MYO5B: variants seen among roughly 807,000 people sequenced by gnomAD.
The protein encoded by MYO5B is unconventional myosin-Vb.
MYO5B carries 143 observed loss-of-function variants against 229.3 expected under a neutral mutation model. That is an observed-to-expected ratio of 0.62 (90% CI 0.54 to 0.72). The LOEUF is 0.72. Ranked by LOEUF, MYO5B falls within the 30% of genes least tolerant of loss-of-function variation. MYO5B has a pLI of 0.00. For synonymous variants in MYO5B, 918 were observed against 885.2 expected (o/e 1.04, Z -0.66); for missense variants, 2,321 against 2,331.0 (o/e 1.00, Z 0.09).
intron 14 of MYO5B, among the ~76,000 whole-genome samples, chr18:49,942,229 A>G (rs548609921): frequency 1.9e-3 from 286 of 151,466 alleles, no homozygotes; most frequent in African/African-American, 6.7e-3. Context: ...AAAACCATAA[A>G]AACCCTAGAA....
intron 1 of MYO5B, among the ~76,000 whole-genome samples, chr18:50,072,598 A>G (rs978726978): frequency 1.3e-5 from 2 of 152,194 alleles, no homozygotes; most frequent in Admixed American, 6.5e-5. Flanking sequence ...TTCCAATCAG[A>G]TACTCAACAC....
At chr18:50,093,627 T>C (rs1401928951) in intron 1 of MYO5B, among the ~76,000 whole-genome samples, 4 of 152,076 alleles carry the variant, frequency 2.6e-5, no homozygotes, top group South Asian at 2.1e-4. Context: ...CAGCACCAGA[T>C]ACAGGTCACA....
intron 1 of MYO5B, among the ~76,000 whole-genome samples, chr18:50,088,948 G>A (rs1322036590): frequency 6.6e-6 from 1 of 152,158 alleles, no homozygotes; most frequent in African/African-American, 2.4e-5. Flanking sequence ...TCCTAGACTT[G>A]TGAATATCAT....
At chr18:49,874,756 A>T (rs892566005) in intron 26 of MYO5B, among the ~76,000 whole-genome samples, 4 of 152,196 alleles carry the variant, frequency 2.6e-5, no homozygotes, top group African/African-American at 9.7e-5. Context: ...CAAACCCACT[A>T]TGAGTTCAGC....
At chr18:49,979,997 C>T (rs144718746) in intron 9 of MYO5B, among the ~76,000 whole-genome samples, 3 of 152,204 alleles carry the variant, frequency 2.0e-5, no homozygotes, top group African/African-American at 7.2e-5. Context: ...TAACAGCCTG[C>T]CTTGTGCTGT....
chr18:50,066,880 T>C (rs989201528), intron 1 of MYO5B, among the ~76,000 whole-genome samples: 11 of 152,304 alleles, frequency 7.2e-5, no homozygotes, highest in African/African-American at 2.6e-4. Context: ...TCAAACAAAT[T>C]GAGCTGTCAG....
In MYO5B at chr18:49,974,416, T is replaced by C; in HGVS notation, c.1256A>G (p.His419Arg). ...GGAGGTGTGCAGGGCCTTGTTGATG[T>C]GCTCCACAATCCAGCCGAACAACTG... The part of the protein sequence containing the change: ...YAQLFGWIVE[H>R]INKALHTSLK... Residue 419 changes from histidine to arginine, a missense_variant, in exon 10 of 40, where the codon CAC (histidine) becomes CGC (arginine). Physicochemically the swap from His to Arg is conservative, Grantham distance 29. Coordinates refer to ENST00000285039, the MANE Select transcript of MYO5B (RefSeq NM_001080467.3). 1 of 1,614,170 alleles carries C rather than the reference T, an allele frequency of 6.2e-7. No individual in the cohort carries two copies. The highest frequency in any genetic ancestry group is 8.5e-7 in the Non-Finnish European group (1 of 1,180,016).
At chr18:49,939,059 G>A (rs2025282881) in intron 14 of MYO5B, among the ~76,000 whole-genome samples, 1 of 151,848 alleles carries the variant, frequency 6.6e-6, no homozygotes, top group African/African-American at 2.4e-5. Context: ...TAAGCATGTA[G>A]AAAAGTGTCC....
At chr18:49,835,318 T>C (rs746005816) in intron 39 of MYO5B, 26 bp downstream of exon 39, 4 of 1,552,582 alleles carry the variant, frequency 2.6e-6, no homozygotes, top group South Asian at 1.1e-5. Context: ...GACTGGACTT[T>C]ATAAAATTAC....
chr18:50,112,846 C>T (rs2031891057), intron 1 of MYO5B, among the ~76,000 whole-genome samples: 1 of 152,150 alleles, frequency 6.6e-6, no homozygotes, highest in African/African-American at 2.4e-5. Flanking sequence ...TTCTATTATA[C>T]TTTCAACACA....
At chr18:49,915,403 C>T (rs1025671579) in intron 17 of MYO5B, among the ~76,000 whole-genome samples, 7 of 152,308 alleles carry the variant, frequency 4.6e-5, no homozygotes, top group Non-Finnish European at 7.3e-5. Flanking sequence ...GAACAAGAGC[C>T]CGTATTCAGC....
intron 26 of MYO5B, among the ~76,000 whole-genome samples, chr18:49,874,317 T>C (rs2144097771): frequency 6.6e-6 from 1 of 152,336 alleles, no homozygotes; most frequent in South Asian, 2.1e-4. Flanking sequence ...ATGGGGAGCC[T>C]GGAGAATGAA....
At chr18:49,996,058 C>T (rs1465831128) in intron 5 of MYO5B, among the ~76,000 whole-genome samples, 1 of 152,210 alleles carries the variant, frequency 6.6e-6, no homozygotes, top group East Asian at 1.9e-4. Context: ...CAATTTCAAA[C>T]TTTTAATTTC....
At chr18:50,061,825 C>T (rs1466283557) in intron 1 of MYO5B, among the ~76,000 whole-genome samples, 2 of 152,206 alleles carry the variant, frequency 1.3e-5, no homozygotes, top group Admixed American at 6.5e-5. Context: ...CATTTGAAAC[C>T]TGCACTCCCT....
intron 5 of MYO5B, among the ~76,000 whole-genome samples, chr18:49,995,355 C>A (rs1033630554): frequency 6.7e-6 from 1 of 150,302 alleles, no homozygotes; most frequent in African/African-American, 2.5e-5. Flanking sequence ...CCCAGGTTCA[C>A]GCCATTCTCC....
At chr18:49,982,177 C>G (rs941373543) in intron 8 of MYO5B, among the ~76,000 whole-genome samples, 1 of 152,152 alleles carries the variant, frequency 6.6e-6, no homozygotes, top group African/African-American at 2.4e-5. Context: ...CTCAAGCAAT[C>G]CTCCCACTTC....
chr18:49,833,090 G>A (rs2023942519), intron 39 of MYO5B, among the ~76,000 whole-genome samples: 1 of 152,068 alleles, frequency 6.6e-6, no homozygotes, highest in Non-Finnish European at 1.5e-5. Context: ...CTACCTAAAG[G>A]GTTTGAAGAA....
chr18:49,928,516 C>T (rs898429715), intron 17 of MYO5B, among the ~76,000 whole-genome samples: 4 of 152,172 alleles, frequency 2.6e-5, no homozygotes, highest in African/African-American at 4.8e-5. Flanking sequence ...TGGTGGTGCA[C>T]ACCTGTAGTC....
At chr18:50,041,003 G>A (rs1313785547) in intron 2 of MYO5B, among the ~76,000 whole-genome samples, 1 of 152,174 alleles carries the variant, frequency 6.6e-6, no homozygotes, top group African/African-American at 2.4e-5. Flanking sequence ...CTCGGTACAT[G>A]TATGCACACA....
Sources: gnomAD v4.1 joint callset for allele counts (sites outside exome capture counted in the v4.1 genomes callset) on GRCh38, gnomAD v4.1.1 for gene constraint, MANE v1.5 for transcripts, NCBI Gene and HGNC (gene_info 2026-07-23, HGNC 2026-07-21) for gene names.